ZNF493: variants seen among roughly 807,000 people sequenced by gnomAD.
ZNF493 encodes the protein zinc finger protein 493.
In ZNF493, 11 loss-of-function variants were observed where a neutral mutation model predicts 12.2. The observed-to-expected ratio is 0.90, with a 90% confidence interval of 0.57 to 1.50. The LOEUF is 1.50. Ranked by LOEUF, ZNF493 falls within the 40% of genes most tolerant of loss-of-function variation. The probability of loss-of-function intolerance (pLI) is 0.00; values close to 1 mark genes in which losing one functional copy is unlikely to be tolerated. For synonymous variants in ZNF493, 286 were observed against 302.6 expected (o/e 0.95, Z 0.57); for missense variants, 950 against 906.6 (o/e 1.05, Z -0.61).
chr19:21,425,036 C>A lies in ZNF493; in HGVS notation c.*52C>A. ...CCTATTCCCTTACTAAAGAATGTGG[C>A]AAAGCTTTTCACCAGTACTTTACCC... On this transcript the variant is annotated 3_prime_UTR_variant, in exon 4 of 4. Transcript: ENST00000392288. The A allele has an allele frequency of 1.3e-6, 2 of 1,556,652 alleles. No homozygotes were observed. Among genetic ancestry groups the A allele is most frequent in the Non-Finnish European group, 1.7e-6 (2 of 1,151,878 alleles).
intron 3 of ZNF493, chr19:21,413,508 G>C (rs777095130): frequency 2.1e-4 from 83 of 403,904 alleles, no homozygotes; most frequent in Middle Eastern, 1.2e-3. Flanking sequence ...TCTGTCCCAA[G>C]GTGGGTGGCT....
At chr19:21,416,587 T>C (rs1361036193) in intron 3 of ZNF493, among the ~76,000 whole-genome samples, 1 of 152,190 alleles carries the variant, frequency 6.6e-6, no homozygotes, top group Non-Finnish European at 1.5e-5. Flanking sequence ...TTTAAATTTC[T>C]TTCCCTGAAT....
intron 3 of ZNF493, chr19:21,412,797 C>T: frequency 3.7e-6 from 1 of 269,432 alleles, no homozygotes; most frequent in Non-Finnish European, 7.2e-6. Context: ...TTGCAATATC[C>T]AAAAACAACT....
At chr19:21,399,209 G>A (rs985421619) in intron 1 of ZNF493, among the ~76,000 whole-genome samples, 1 of 151,854 alleles carries the variant, frequency 6.6e-6, no homozygotes, top group South Asian at 2.1e-4. Context: ...CGCCCAGGCT[G>A]GAGTGCTGTG....
intron 1 of ZNF493, among the ~76,000 whole-genome samples, chr19:21,401,587 T>C (rs2029945206): frequency 1.3e-5 from 2 of 151,924 alleles, no homozygotes; most frequent in Admixed American, 1.3e-4. Context: ...GGTTCTTTGT[T>C]TTATTTTTGG....
At chr19:21,412,772 TTAAA>T (rs2030365261) in intron 3 of ZNF493, 1 of 267,316 alleles carries the variant, frequency 3.7e-6, no homozygotes, top group Non-Finnish European at 7.2e-6. Context: ...TTGGGATGCT[TTAAA>T]TATTTTAATT....
chr19:21,417,901 C>A (rs1218820832), intron 3 of ZNF493, among the ~76,000 whole-genome samples: 1 of 152,168 alleles, frequency 6.6e-6, no homozygotes, highest in African/African-American at 2.4e-5. Flanking sequence ...AGTCTTATTA[C>A]AAAAGGAGAA....
intron 1 of ZNF493, among the ~76,000 whole-genome samples, chr19:21,402,692 C>T (rs1013342414): frequency 1.3e-5 from 2 of 152,122 alleles, no homozygotes; most frequent in Non-Finnish European, 2.9e-5. Flanking sequence ...TTAAAGCCCC[C>T]CTTTGAGAGT....
intron 1 of ZNF493, among the ~76,000 whole-genome samples, chr19:21,402,589 G>A (rs1298129092): frequency 6.6e-6 from 1 of 152,094 alleles, no homozygotes; most frequent in Non-Finnish European, 1.5e-5. Context: ...CCTCTGCCTG[G>A]GATTTACAAG....
In ZNF493 at chr19:21,427,215, C is replaced by G. The variant is rs117194989; in HGVS notation, c.*2231C>G. ...GGTTAACTTATACTATTGAGTGATGCACAAGGTAGGTGTTAAGAGTAATAT... is the reference window on the plus strand; with the variant it reads ...GGTTAACTTATACTATTGAGTGATGGACAAGGTAGGTGTTAAGAGTAATAT... On this transcript the variant is annotated 3_prime_UTR_variant, in exon 4 of 4. Coordinates refer to ENST00000392288, the MANE Select transcript of ZNF493 (RefSeq NM_001076678.3). The G allele has an allele frequency of 8.2e-3, 1,366 of 167,084 alleles. 11 individuals carry two copies. The highest frequency in any genetic ancestry group is 0.014 in the Non-Finnish European group (930 of 68,090). 10.4% of individuals were successfully genotyped at this position (167,084 alleles called of 1,614,324 possible).
At chr19:21,420,623 A>ATAATTTTT (rs1568382528) in intron 3 of ZNF493, among the ~76,000 whole-genome samples, 2 of 16,124 alleles carry the variant, frequency 1.2e-4, no homozygotes, top group African/African-American at 4.5e-4. Flanking sequence ...ATATATATAT[A>ATAATTTTT]TTTTTTTTTT....
chr19:21,399,887 A>G (rs1184324015), intron 1 of ZNF493, among the ~76,000 whole-genome samples: 4 of 152,138 alleles, frequency 2.6e-5, no homozygotes, highest in Admixed American at 1.3e-4. Context: ...ATAAAAACGT[A>G]AGTTCCTTTT....
intron 1 of ZNF493, 110 bp downstream of exon 1, chr19:21,397,377 C>T (rs1002385362): frequency 7.5e-7 from 1 of 1,328,556 alleles, no homozygotes. Flanking sequence ...CCACAATCTG[C>T]TCCCTGAGTT....
chr19:21,416,198 C>T (rs28839521), intron 3 of ZNF493, among the ~76,000 whole-genome samples: 28,736 of 152,004 alleles, frequency 0.19, 2,908 homozygotes, highest in Non-Finnish European at 0.24. Context: ...TAATCTTTGG[C>T]GGGAACTCTG....
At chr19:21,410,467 G>A (rs994751744) in intron 3 of ZNF493, among the ~76,000 whole-genome samples, 1 of 151,954 alleles carries the variant, frequency 6.6e-6, no homozygotes, top group African/African-American at 2.4e-5. Context: ...TTAATTTTCT[G>A]TGTCATTTCA....
intron 1 of ZNF493, among the ~76,000 whole-genome samples, chr19:21,404,418 ATAGAGT>A (rs2030047937): frequency 6.6e-6 from 1 of 152,210 alleles, no homozygotes; most frequent in Non-Finnish European, 1.5e-5. Context: ...TTATTTCACT[ATAGAGT>A]TAATTATTTT....
chr19:21,418,677 G>A (rs1046275630), intron 3 of ZNF493, among the ~76,000 whole-genome samples: 3 of 152,192 alleles, frequency 2.0e-5, no homozygotes, highest in Non-Finnish European at 4.4e-5. Context: ...ATTTACCCAC[G>A]TATTTATTAA....
intron 3 of ZNF493, among the ~76,000 whole-genome samples, chr19:21,416,599 G>A (rs947993883): frequency 6.6e-6 from 1 of 152,166 alleles, no homozygotes; most frequent in Non-Finnish European, 1.5e-5. Context: ...TCCCTGAATA[G>A]TTATGTCACA....
chr19:21,400,469 T>A (rs1195835303), intron 1 of ZNF493, among the ~76,000 whole-genome samples: 1 of 152,202 alleles, frequency 6.6e-6, no homozygotes, highest in East Asian at 1.9e-4. Context: ...TGTGTTTCAG[T>A]AATTTTGCTG....
Sources: gnomAD v4.1 joint callset for allele counts (sites outside exome capture counted in the v4.1 genomes callset) on GRCh38, gnomAD v4.1.1 for gene constraint, MANE v1.5 for transcripts, NCBI Gene and HGNC (gene_info 2026-07-23, HGNC 2026-07-21) for gene names.